DYSF: variants seen among roughly 807,000 people sequenced by gnomAD.
DYSF encodes dysferlin.
DYSF carries 212 observed loss-of-function variants against 274.9 expected under a neutral mutation model. The ratio of observed to expected loss-of-function variants is 0.77; its 90% confidence interval spans 0.69 to 0.86. The LOEUF (loss-of-function observed/expected upper bound fraction) is 0.86. DYSF is among the 40% of genes least tolerant of loss of function. The pLI is 0.00. For missense variants in DYSF, 2,666 were observed against 2,783.2 expected (o/e 0.96, Z 0.95); for synonymous variants, 1,091 against 1,078.7 (o/e 1.01, Z -0.22).
At chr2:71,584,003 G>C (rs1303407305) in intron 30 of DYSF, among the ~76,000 whole-genome samples, 1 of 152,162 alleles carries the variant, frequency 6.6e-6, no homozygotes, top group Non-Finnish European at 1.5e-5. Flanking sequence ...CAGTTCCCTG[G>C]ACAAGCAGCA....
rs886056279 is a variant in DYSF, at chr2:71,535,324, T to C, written c.1493+13T>C. 6.8e-6 allele frequency: 11 copies of C among 1,613,704 alleles called. No individual in the cohort carries two copies. Among genetic ancestry groups the C allele is most frequent in the Admixed American group, 1.7e-5 (1 of 60,002 alleles). The stretch of plus-strand genomic sequence containing the variant: ...GTATCATAGACTGGTGAGTTCTGAG[T>C]CTTGGAGTCTTTAGGGCGGGCTGTC... On this transcript the variant is annotated intron_variant, in intron 16 of 55. Transcript: ENST00000410020.
intron 30 of DYSF, among the ~76,000 whole-genome samples, chr2:71,588,211 G>A (rs1180941379): frequency 6.6e-6 from 1 of 152,172 alleles, no homozygotes; most frequent in African/African-American, 2.4e-5. Context: ...AAGATAGGGC[G>A]GGTCACTGGG....
intron 41 of DYSF, among the ~76,000 whole-genome samples, chr2:71,623,333 AC>A (rs2094145145): frequency 1.6e-5 from 1 of 64,308 alleles, no homozygotes; most frequent in African/African-American, 6.3e-5. Flanking sequence ...CCCTCCCCCC[AC>A]CCCACAACAG....
chr2:71,512,794 GCCCAGC>G (rs2086230822), intron 5 of DYSF, among the ~76,000 whole-genome samples: 3 of 100,698 alleles, frequency 3.0e-5, no homozygotes, highest in Non-Finnish European at 6.8e-5. Context: ...CCTGGGGCCA[GCCCAGC>G]ACAGGGCTCT....
At chr2:71,660,370 A>C (rs1219377428) in intron 44 of DYSF, among the ~76,000 whole-genome samples, 190 bp from the exon 45 acceptor site, 2 of 152,230 alleles carry the variant, frequency 1.3e-5, no homozygotes, top group East Asian at 3.9e-4. Context: ...AGCCAAGACC[A>C]GAAGCCCATG....
intron 1 of DYSF, among the ~76,000 whole-genome samples, chr2:71,473,259 TTC>T (rs2082165295): frequency 6.6e-6 from 1 of 152,244 alleles, no homozygotes; most frequent in Non-Finnish European, 1.5e-5. Context: ...CAGGCCTTCC[TTC>T]AGCCCACGCT....
intron 1 of DYSF, among the ~76,000 whole-genome samples, chr2:71,477,253 A>C (rs1573367490): frequency 6.6e-6 from 1 of 152,132 alleles, no homozygotes; most frequent in African/African-American, 2.4e-5. Context: ...AGAGGGTGCA[A>C]CATCGCATGT....
intron 32 of DYSF, among the ~76,000 whole-genome samples, chr2:71,592,118 G>C (rs1007023711): frequency 6.6e-6 from 1 of 152,194 alleles, no homozygotes; most frequent in African/African-American, 2.4e-5. Context: ...TGAGGGTGCC[G>C]GGAGCGGGTT....
At chr2:71,598,979 T>C (rs1325091992) in intron 33 of DYSF, among the ~76,000 whole-genome samples, 1 of 152,244 alleles carries the variant, frequency 6.6e-6, no homozygotes, top group Non-Finnish European at 1.5e-5. Flanking sequence ...AGGCGCTTGG[T>C]TGTGGGTCAG....
intron 1 of DYSF, among the ~76,000 whole-genome samples, chr2:71,471,217 T>G (rs1482555615): frequency 1.3e-5 from 2 of 152,228 alleles, no homozygotes; most frequent in East Asian, 1.9e-4. Context: ...TTGTTAACAA[T>G]TTGACACATT....
Position 71,538,416 on chromosome 2 carries a change from C to A in DYSF, c.1494-741C>A, listed in dbSNP as rs371560019. ...GGTTGGGGAGCCAAGAAGTGTCCCCCTGGAAGCAGGCCCTATGCCATGCAG... is the reference window on the plus strand; with the variant it reads ...GGTTGGGGAGCCAAGAAGTGTCCCCATGGAAGCAGGCCCTATGCCATGCAG... On this transcript the variant is annotated intron_variant, in intron 16 of 55. Coordinates refer to ENST00000410020, the MANE Select transcript of DYSF (RefSeq NM_001130987.2). 5.0e-4 allele frequency among the ~76,000 whole-genome samples: 76 copies of A among 152,306 alleles called. 1 individual carries two copies. The South Asian group carries it at 0.015, about 30-fold the overall frequency.
At chr2:71,559,589 C>T (rs770710612) in intron 22 of DYSF, among the ~76,000 whole-genome samples, 39 of 152,154 alleles carry the variant, frequency 2.6e-4, no homozygotes, top group African/African-American at 6.8e-4. Context: ...CTAGTTTGTC[C>T]GGCCCTCAGC....
chr2:71,470,387 C>G (rs1406901427), intron 1 of DYSF, among the ~76,000 whole-genome samples: 1 of 152,110 alleles, frequency 6.6e-6, no homozygotes, highest in African/African-American at 2.4e-5. Context: ...ATATTGAAAA[C>G]AGCGGCCAGG....
chr2:71,509,836 G>A (rs1330106366), intron 4 of DYSF, among the ~76,000 whole-genome samples: 1 of 152,016 alleles, frequency 6.6e-6, no homozygotes, highest in Non-Finnish European at 1.5e-5. Context: ...GGAGTGCAGT[G>A]GTGTGATCGA....
Position 71,635,700 on chromosome 2 carries a change from G to C in DYSF, c.4528-8265G>C, listed in dbSNP as rs567121369. ...GGAGGCAGAGCTTGCAGTGAGCCGAGATAGTGCCACTGCACTCCAGCCTGG... is the reference window on the plus strand; with the variant it reads ...GGAGGCAGAGCTTGCAGTGAGCCGACATAGTGCCACTGCACTCCAGCCTGG... On this transcript the variant is annotated intron_variant, in intron 41 of 55. Transcript: ENST00000410020. Among the ~76,000 whole-genome samples the C allele has an allele frequency of 2.9e-4, 38 of 129,470 alleles. 2 individuals are homozygous for C. In the East Asian group the frequency reaches 9.4e-3, roughly 32 times the overall value. 84.9% of individuals were successfully genotyped at this position (129,470 alleles called of 152,430 possible).
intron 30 of DYSF, among the ~76,000 whole-genome samples, chr2:71,580,715 G>A (rs1228133693): frequency 6.6e-6 from 1 of 152,170 alleles, no homozygotes; most frequent in Non-Finnish European, 1.5e-5. Flanking sequence ...TGCTAGCATG[G>A]GCGGCTTGAG....
intron 16 of DYSF, among the ~76,000 whole-genome samples, chr2:71,537,217 A>ATTT (rs1553536506): frequency 2.2e-5 from 2 of 89,932 alleles, no homozygotes; most frequent in African/African-American, 9.2e-5. Context: ...TTTACTTTCT[A>ATTT]GTTTTGTTTT....
intron 41 of DYSF, among the ~76,000 whole-genome samples, chr2:71,641,728 G>A (rs2094489322): frequency 1.3e-5 from 2 of 152,040 alleles, no homozygotes. Flanking sequence ...CTAAGTATCC[G>A]AGGTTTTAGT....
chr2:71,618,926 C>CGCTGGG (rs200457866), intron 40 of DYSF, among the ~76,000 whole-genome samples: 3 of 151,624 alleles, frequency 2.0e-5, no homozygotes, highest in Non-Finnish European at 4.4e-5. Flanking sequence ...GGCTCCCAGG[C>CGCTGGG]GCTGGGGCTG....
Sources: gnomAD v4.1 joint callset for allele counts (sites outside exome capture counted in the v4.1 genomes callset) on GRCh38, gnomAD v4.1.1 for gene constraint, MANE v1.5 for transcripts, NCBI Gene and HGNC (gene_info 2026-07-23, HGNC 2026-07-21) for gene names.